The following DNAH9 variants were observed in gnomAD, a reference collection of about 807,000 sequenced individuals.
DNAH9 encodes DNAH9 variant protein.
Under a neutral mutation model 471.6 loss-of-function variants are expected in DNAH9, and 345 were observed. The observed-to-expected ratio is 0.73, with a 90% CI of 0.67 to 0.80. The LOEUF (loss-of-function observed/expected upper bound fraction) is 0.80, where lower values mean the gene tolerates loss of function less well. Ranked by LOEUF, DNAH9 falls within the 30% of genes least tolerant of loss-of-function variation. The pLI, the probability that DNAH9 is intolerant of heterozygous loss-of-function variation, is 0.00. For missense variants in DNAH9, 5,407 were observed against 5,609.2 expected (o/e 0.96, Z 1.15); for synonymous variants, 2,093 against 2,123.6 (o/e 0.99, Z 0.40).
chr17:11,678,177 C>T (rs1402247344), intron 17 of DNAH9, among the ~76,000 whole-genome samples: 2 of 152,334 alleles, frequency 1.3e-5, no homozygotes, highest in Admixed American at 1.3e-4. Context: ...TCTGCCTCAG[C>T]ATCCCGAGTA....
chr17:11,881,223 G>A lies in DNAH9; in HGVS notation c.10616G>A (p.Gly3539Glu). The A allele has an allele frequency of 6.2e-7, 1 of 1,614,162 alleles. No homozygotes were observed. Among genetic ancestry groups the A allele is most frequent in the South Asian group, 1.1e-5 (1 of 91,080 alleles). Residue 3539 changes from glycine to glutamate, a missense_variant, in exon 55 of 69, where the codon GGA becomes GAA. Physicochemically the swap from Gly to Glu is moderately conservative, Grantham distance 98. Around this residue, in one of 3 missense-constraint regions of DNAH9, gnomAD observed 4,636 missense variants for 4,900.3 expected, o/e 0.95. Transcript: ENST00000262442. ...TTATGTTCCAGATTCATTAAAATTG[G>A]AGACAAAGAATGTGAATACAATCCC... The part of the protein sequence containing the change: ...VIKKGRFIKI[G>E]DKECEYNPKF...
chr17:11,768,331 G>A, intron 36 of DNAH9, 122 bp from the exon 37 acceptor site: 2 of 1,000,538 alleles, frequency 2.0e-6, no homozygotes, highest in South Asian at 1.5e-5. Flanking sequence ...GGTCTAGCCG[G>A]CAGGCCCACA....
chr17:11,616,587 G>A (rs1286237080), intron 4 of DNAH9, among the ~76,000 whole-genome samples: 1 of 152,138 alleles, frequency 6.6e-6, no homozygotes, highest in Non-Finnish European at 1.5e-5. Context: ...TCTTTCCTTG[G>A]TTGTATTCAG....
chr17:11,654,602 G>T (rs1465444052), intron 14 of DNAH9, among the ~76,000 whole-genome samples: 2 of 151,600 alleles, frequency 1.3e-5, no homozygotes, highest in Non-Finnish European at 2.9e-5. Flanking sequence ...ACCAAAAATG[G>T]CCACAAGCCA....
intron 67 of DNAH9, among the ~76,000 whole-genome samples, chr17:11,953,446 T>A (rs1975481494): frequency 6.6e-6 from 1 of 152,160 alleles, no homozygotes; most frequent in Admixed American, 6.5e-5. Flanking sequence ...TGAAGTGAAG[T>A]GGTATCAAAG....
At chr17:11,872,509 C>T (rs1375099861) in intron 52 of DNAH9, among the ~76,000 whole-genome samples, 1 of 152,172 alleles carries the variant, frequency 6.6e-6, no homozygotes, top group East Asian at 1.9e-4. Flanking sequence ...CCCACAAATA[C>T]TTCCTGTGTA....
At chr17:11,772,704 C>T (rs906610532) in intron 38 of DNAH9, among the ~76,000 whole-genome samples, 1 of 152,168 alleles carries the variant, frequency 6.6e-6, no homozygotes, top group African/African-American at 2.4e-5. Context: ...TTGTTAATTC[C>T]CTAATGGCCT....
At chr17:11,949,481 C>CT (rs71367360) in intron 67 of DNAH9, among the ~76,000 whole-genome samples, 29,602 of 146,610 alleles carry the variant, frequency 0.2, 3,472 homozygotes, top group South Asian at 0.31. Flanking sequence ...TAGCTTGAGA[C>CT]TTTTTTTTTT....
At chr17:11,812,357 C>G (rs1969958383) in intron 45 of DNAH9, among the ~76,000 whole-genome samples, 1 of 151,474 alleles carries the variant, frequency 6.6e-6, no homozygotes, top group Non-Finnish European at 1.5e-5. Context: ...GGACCATGGT[C>G]ACAAGTACCT....
rs552071723 is a variant in DNAH9, at chr17:11,696,674, A to G, written c.4872+2227A>G. Among the ~76,000 whole-genome samples, 33 of 152,334 alleles carry G rather than the reference A, an allele frequency of 2.2e-4. No individual in the cohort carries two copies. The South Asian group carries it at 6.6e-3, about 31-fold the overall frequency. Reference sequence around the variant, plus strand: ...TTTGATTTGTTGATAAGAAGCAAGTACTAAAGAGAGATTATCCCTGATAGT... The same window carrying G: ...TTTGATTTGTTGATAAGAAGCAAGTGCTAAAGAGAGATTATCCCTGATAGT... On this transcript the variant is annotated intron_variant, in intron 22 of 68. Transcript: ENST00000262442.
intron 26 of DNAH9, among the ~76,000 whole-genome samples, chr17:11,709,134 A>T (rs2150784178): frequency 6.6e-6 from 1 of 152,308 alleles, no homozygotes; most frequent in East Asian, 1.9e-4. Context: ...CTAGTATACT[A>T]GTGCTGAATA....
chr17:11,687,000 T>A (rs1391996036), intron 19 of DNAH9, among the ~76,000 whole-genome samples: 1 of 152,190 alleles, frequency 6.6e-6, no homozygotes, highest in Non-Finnish European at 1.5e-5. Flanking sequence ...AAATGAAGAA[T>A]AAACACAAGA....
At chr17:11,919,070 A>G (rs1343755102) in intron 61 of DNAH9, among the ~76,000 whole-genome samples, 1 of 152,188 alleles carries the variant, frequency 6.6e-6, no homozygotes, top group Non-Finnish European at 1.5e-5. Context: ...GCAGGAAGGG[A>G]GGAGGACATC....
At chr17:11,721,291 T>TTTTGTTTTTGTTTG (rs1282600922) in intron 27 of DNAH9, among the ~76,000 whole-genome samples, 1 of 152,118 alleles carries the variant, frequency 6.6e-6, no homozygotes, top group Non-Finnish European at 1.5e-5. Flanking sequence ...TGTTTTTTGT[T>TTTTGTTTTTGTTTG]TTTGTTTTTG....
At chr17:11,829,309 G>C (rs1277948812) in intron 48 of DNAH9, among the ~76,000 whole-genome samples, 1 of 152,130 alleles carries the variant, frequency 6.6e-6, no homozygotes, top group Non-Finnish European at 1.5e-5. Flanking sequence ...CTAGTAATCT[G>C]GCGGGAGGAG....
intron 43 of DNAH9, among the ~76,000 whole-genome samples, chr17:11,801,313 A>G (rs1367053940): frequency 1.3e-5 from 2 of 152,188 alleles, no homozygotes; most frequent in Non-Finnish European, 2.9e-5. Context: ...CTCCTTGAGC[A>G]CACAGACTGT....
chr17:11,730,172 A>G (rs1370104417), intron 28 of DNAH9, among the ~76,000 whole-genome samples: 1 of 152,162 alleles, frequency 6.6e-6, no homozygotes, highest in Non-Finnish European at 1.5e-5. Context: ...AGGAAGGAAG[A>G]CAAATGGCTA....
chr17:11,709,627 T>C (rs1214297577), intron 26 of DNAH9, among the ~76,000 whole-genome samples: 1 of 152,216 alleles, frequency 6.6e-6, no homozygotes, highest in Non-Finnish European at 1.5e-5. Flanking sequence ...GGGACTTGAA[T>C]ATATAAATAG....
rs543712462 is a variant in DNAH9, at chr17:11,699,468, T to G, written c.4873-263T>G. Among the ~76,000 whole-genome samples, 24 of 152,320 alleles carry G rather than the reference T, an allele frequency of 1.6e-4. No homozygotes were observed. In the East Asian group the frequency reaches 4.6e-3, roughly 29 times the overall value. ...CTATCTATAGTAGACCAATCCAAATTTAGTCAAACCATTGTGACTTAGTTG... is the reference window on the plus strand; with the variant it reads ...CTATCTATAGTAGACCAATCCAAATGTAGTCAAACCATTGTGACTTAGTTG... On this transcript the variant is annotated intron_variant, in intron 22 of 68. Coordinates refer to ENST00000262442, the MANE Select transcript of DNAH9 (RefSeq NM_001372.4).
Sources: allele counts gnomAD v4.1 joint callset (sites outside exome capture counted in the v4.1 genomes callset), GRCh38; gene constraint gnomAD v4.1.1; regional missense constraint gnomAD v4.1.1; transcripts MANE v1.5; gene names NCBI Gene and HGNC (gene_info 2026-07-23, HGNC 2026-07-21).